Variants in BRD4 observed in about 807,000 individuals in gnomAD.
BRD4 encodes bromodomain containing 4, also known as bromodomain-containing protein 4.
In BRD4, 16 loss-of-function variants were observed where a neutral mutation model predicts 142.1. The ratio of observed to expected loss-of-function variants is 0.11; its 90% CI spans 0.08 to 0.17. BRD4 has a LOEUF of 0.17. BRD4 is among the 10% of genes least tolerant of loss of function. BRD4 has a pLI of 1.00. For synonymous variants in BRD4, 833 were observed against 707.5 expected, an observed-to-expected ratio of 1.18 and a Z score of -2.82; for missense variants, 1,424 against 1,810.9, an observed-to-expected ratio of 0.79 and a Z score of 3.88.
At chr19:15,313,519 C>CA (rs1242240843) in intron 1 of BRD4, among the ~76,000 whole-genome samples, 1 of 146,442 alleles carries the variant, frequency 6.8e-6, no homozygotes, top group Non-Finnish European at 1.5e-5. Context: ...ACTAAAAATA[C>CA]AAAAAAATTT....
chr19:15,283,445 A>G (rs1316174972), intron 1 of BRD4, among the ~76,000 whole-genome samples: 1 of 152,224 alleles, frequency 6.6e-6, no homozygotes, highest in East Asian at 1.9e-4. Context: ...AAAATTTCCT[A>G]TATACCAAAC....
intron 4 of BRD4, 152 bp from the exon 5 acceptor site, chr19:15,265,795 C>A: frequency 1.2e-6 from 1 of 859,314 alleles, no homozygotes; most frequent in East Asian, 2.5e-5. Flanking sequence ...TCTGCCAAAC[C>A]CTTCCACCTG....
chr19:15,290,960 C>T (rs978411223), intron 1 of BRD4, among the ~76,000 whole-genome samples: 3 of 152,262 alleles, frequency 2.0e-5, no homozygotes, highest in East Asian at 1.9e-4. Context: ...GCATTAAAGA[C>T]GCATATGGTA....
intron 1 of BRD4, among the ~76,000 whole-genome samples, chr19:15,303,158 C>T (rs898716475): frequency 3.9e-5 from 6 of 152,094 alleles, no homozygotes; most frequent in Admixed American, 3.9e-4. Flanking sequence ...GGGTACACTA[C>T]CCCTGCATTC....
At position 15,272,926 on chromosome 19, in the gene BRD4, C is replaced by T. The variant is rs2145624728; in HGVS notation, c.174G>A (p.Arg58=). The T allele has an allele frequency of 1.2e-6, 2 of 1,614,170 alleles. No individual in the cohort carries two copies. The highest frequency in any genetic ancestry group is 2.2e-5 in the South Asian group (2 of 91,084). The change falls in exon 2 of 20, where the codon AGG becomes AGA. Residue 58 remains arginine (R), a synonymous_variant. Transcript: ENST00000679869. ...PETSNPNKPK[R]QTNQLQYLLR... Reference sequence around the variant, plus strand: ...GCAGGTATTGCAGTTGGTTGGTCTGCCTCTTGGGCTTGTTAGGGTTGGAGG... The same window carrying T: ...GCAGGTATTGCAGTTGGTTGGTCTGTCTCTTGGGCTTGTTAGGGTTGGAGG...
At chr19:15,276,601 CT>C (rs907080625) in intron 1 of BRD4, among the ~76,000 whole-genome samples, 120 of 152,272 alleles carry the variant, frequency 7.9e-4, no homozygotes, top group African/African-American at 2.8e-3. Flanking sequence ...GCAGGCTCAT[CT>C]TTATTTCACT....
intron 7 of BRD4, among the ~76,000 whole-genome samples, chr19:15,261,698 T>C (rs1035627882): frequency 5.5e-4 from 83 of 152,052 alleles, no homozygotes; most frequent in Non-Finnish European, 2.2e-4. Context: ...CCTGGTAGTA[T>C]GGGAGGCTGA....
At position 15,252,098 on chromosome 19, in the gene BRD4, G is replaced by A. The variant is rs545073622; in HGVS notation, c.2158+2054C>T. The stretch of plus-strand genomic sequence containing the variant: ...GGGAGTGAAAAAATAATAAAATCTC[G>A]GCAGCGGCAGGAGGGGTGTGGGGCA... On this transcript the variant is annotated intron_variant, in intron 11 of 19. Coordinates refer to ENST00000679869, the MANE Select transcript of BRD4 (RefSeq NM_001379291.1). 9.0e-4 allele frequency among the ~76,000 whole-genome samples: 137 copies of A among 152,152 alleles called. No homozygotes were observed. The highest frequency in any genetic ancestry group is 6.8e-3 in the Middle Eastern group (2 of 294).
intron 11 of BRD4, among the ~76,000 whole-genome samples, chr19:15,251,599 G>A (rs1568381559): frequency 6.6e-6 from 1 of 152,178 alleles, no homozygotes; most frequent in Admixed American, 6.5e-5. Flanking sequence ...GGACCCAGGA[G>A]AGCAGCTGCT....
chr19:15,251,056 G>A (rs927958750), intron 11 of BRD4, among the ~76,000 whole-genome samples: 10 of 152,202 alleles, frequency 6.6e-5, no homozygotes, highest in Admixed American at 1.3e-4. Flanking sequence ...GGAATCAGAG[G>A]AAGTGGTAGG....
chr19:15,327,666 A>C (rs929711045), intron 1 of BRD4, among the ~76,000 whole-genome samples: 6 of 152,228 alleles, frequency 3.9e-5, no homozygotes, highest in Non-Finnish European at 8.8e-5. Flanking sequence ...AAAATGTAGC[A>C]TAGCCATATA....
At chr19:15,312,013 A>G (rs2047975721) in intron 1 of BRD4, among the ~76,000 whole-genome samples, 1 of 152,214 alleles carries the variant, frequency 6.6e-6, no homozygotes, top group South Asian at 2.1e-4. Flanking sequence ...GACAATATGC[A>G]TATAGTTTAC....
intron 14 of BRD4, among the ~76,000 whole-genome samples, chr19:15,242,692 G>A (rs1470500720): frequency 6.6e-6 from 1 of 152,124 alleles, no homozygotes; most frequent in Non-Finnish European, 1.5e-5. Flanking sequence ...GCCTTATTCT[G>A]AGTGATCTCA....
intron 11 of BRD4, chr19:15,247,567 C>T (rs1199191414): frequency 1.3e-5 from 3 of 232,830 alleles, no homozygotes; most frequent in East Asian, 6.0e-5. Context: ...CGTGTGTGCG[C>T]GTGCGTGCGT....
intron 11 of BRD4, among the ~76,000 whole-genome samples, chr19:15,251,455 GC>G (rs1247441463): frequency 1.5e-3 from 73 of 47,314 alleles, no homozygotes; most frequent in African/African-American, 1.9e-3. Context: ...GGGGGGGGGG[GC>G]GGGGGCGCGG....
At chr19:15,325,997 C>CAAAAAAAAAAAAA (rs35801340) in intron 1 of BRD4, among the ~76,000 whole-genome samples, 11 of 50,708 alleles carry the variant, frequency 2.2e-4, no homozygotes, top group South Asian at 7.8e-4. Flanking sequence ...GACTCCGTCT[C>CAAAAAAAAAAAAA]AAAAAAAAAA....
chr19:15,307,340 C>T (rs57201718), intron 1 of BRD4, among the ~76,000 whole-genome samples: 96 of 152,268 alleles, frequency 6.3e-4, no homozygotes, highest in African/African-American at 2.3e-3. Flanking sequence ...GGATGGAGTG[C>T]TTCTGCTACC....
intron 1 of BRD4, among the ~76,000 whole-genome samples, chr19:15,331,242 A>G (rs1410391436): frequency 6.6e-6 from 1 of 152,216 alleles, no homozygotes; most frequent in African/African-American, 2.4e-5. Context: ...GGCCTGAACT[A>G]AAGTATTTAC....
In BRD4 at chr19:15,263,524, G is replaced by T. The variant is rs559867489; in HGVS notation, c.1237C>A (p.Arg413Ser). 6.2e-7 allele frequency: 1 copy of T among 1,614,224 alleles called. No individual in the cohort carries two copies. The highest frequency in any genetic ancestry group is 1.7e-5 in the Admixed American group (1 of 60,026). ...IKSKLEAREYRDAQEFGADVR... is the reference protein window; with the variant it reads ...IKSKLEAREYSDAQEFGADVR... ...TCAGCACCAAACTCCTGAGCATCAC[G>T]GTACTCACGGGCCTCCAGTTTAGAC... The change falls in exon 7 of 20, where the codon CGT becomes AGT. Residue 413 changes from arginine (R) to serine (S), a missense_variant. Coordinates refer to ENST00000679869, the MANE Select transcript of BRD4 (RefSeq NM_001379291.1).
Sources: allele counts gnomAD v4.1 joint callset (sites outside exome capture counted in the v4.1 genomes callset), GRCh38; gene constraint gnomAD v4.1.1; transcripts MANE v1.5; gene names NCBI Gene and HGNC (gene_info 2026-07-23, HGNC 2026-07-21).